Variants in MEF2C observed in about 807,000 individuals in gnomAD.
The protein encoded by MEF2C is myocyte-specific enhancer factor 2C.
Under a neutral mutation model 50.5 loss-of-function variants are expected in MEF2C, and 6 were observed. That is an observed-to-expected ratio of 0.12 (90% CI 0.07 to 0.23). MEF2C has a LOEUF of 0.23. Ranked by LOEUF, MEF2C falls within the 10% of genes least tolerant of loss-of-function variation. The pLI is 1.00. For missense variants in MEF2C, 276 were observed against 605.0 expected (o/e 0.46, Z 5.70); for synonymous variants, 183 against 228.0 (o/e 0.80, Z 1.78).
chr5:88,784,282 G>C (rs1231454863), intron 3 of MEF2C, among the ~76,000 whole-genome samples: 1 of 152,104 alleles, frequency 6.6e-6, no homozygotes, highest in East Asian at 1.9e-4. Flanking sequence ...ATCAATATCA[G>C]CTACATAATA....
intron 3 of MEF2C, among the ~76,000 whole-genome samples, chr5:88,786,710 T>C (rs1342408293): frequency 6.6e-6 from 1 of 152,226 alleles, no homozygotes; most frequent in Non-Finnish European, 1.5e-5. Context: ...TGTATATATA[T>C]ACATATATGC....
intron 3 of MEF2C, among the ~76,000 whole-genome samples, chr5:88,781,748 G>GA (rs1788165965): frequency 6.6e-6 from 1 of 152,144 alleles, no homozygotes; most frequent in South Asian, 2.1e-4. Context: ...GAGGCAAGCG[G>GA]ACCACTTGAG....
At chr5:88,725,710 T>G (rs34320) in intron 10 of MEF2C, among the ~76,000 whole-genome samples, 70,550 of 151,908 alleles carry the variant, frequency 0.46, 18,611 homozygotes, top group East Asian at 0.59. Context: ...CAAACATGAC[T>G]GGATAGTTTT....
intron 1 of MEF2C, among the ~76,000 whole-genome samples, chr5:88,890,594 G>T (rs1421191402): frequency 1.3e-5 from 2 of 152,126 alleles, no homozygotes; most frequent in African/African-American, 4.8e-5. Flanking sequence ...CATGTCAAAC[G>T]TTTCCATCAC....
intron 10 of MEF2C, among the ~76,000 whole-genome samples, chr5:88,726,923 TA>T (rs769939186): frequency 6.6e-5 from 10 of 152,124 alleles, no homozygotes; most frequent in Non-Finnish European, 1.2e-4. Flanking sequence ...GAGAAAATAA[TA>T]TGGCTTTTGA....
intron 1 of MEF2C, among the ~76,000 whole-genome samples, chr5:88,865,724 A>G (rs1158268979): frequency 6.6e-6 from 1 of 152,168 alleles, no homozygotes; most frequent in Non-Finnish European, 1.5e-5. Flanking sequence ...GTTTTGCTGG[A>G]AAGAGAAGAA....
intron 10 of MEF2C, among the ~76,000 whole-genome samples, chr5:88,724,007 A>C (rs966668730): frequency 6.6e-6 from 1 of 152,204 alleles, no homozygotes; most frequent in Non-Finnish European, 1.5e-5. Context: ...GCTCGCATCA[A>C]TTTTAAGATG....
chr5:88,872,766 T>C (rs1464197691), intron 1 of MEF2C, among the ~76,000 whole-genome samples: 1 of 152,004 alleles, frequency 6.6e-6, no homozygotes, highest in Non-Finnish European at 1.5e-5. Flanking sequence ...ACTGGGGCTT[T>C]CTGGTCATTA....
At chr5:88,746,387 C>T (rs1229229396) in intron 6 of MEF2C, 2 of 447,742 alleles carry the variant, frequency 4.5e-6, no homozygotes, top group South Asian at 9.4e-5. Context: ...TTTATAGGCA[C>T]AAAATAAATG....
chr5:88,841,135 C>T (rs1336548451), intron 1 of MEF2C, among the ~76,000 whole-genome samples: 1 of 152,174 alleles, frequency 6.6e-6, no homozygotes, highest in Non-Finnish European at 1.5e-5. Flanking sequence ...ATAGTTAACT[C>T]CTAGTCTTTA....
chr5:88,779,759 G>GC (rs1786841044), intron 3 of MEF2C, among the ~76,000 whole-genome samples: 1 of 51,608 alleles, frequency 1.9e-5, no homozygotes, highest in East Asian at 7.3e-4. Flanking sequence ...AGCAAAGTGA[G>GC]GTTTTTTTTT....
intron 2 of MEF2C, among the ~76,000 whole-genome samples, chr5:88,809,423 T>C (rs1159277853): frequency 2.0e-5 from 3 of 152,186 alleles, no homozygotes; most frequent in East Asian, 1.9e-4. Flanking sequence ...GAATATTCTC[T>C]ATGTCAGGCA....
intron 1 of MEF2C, among the ~76,000 whole-genome samples, chr5:88,837,775 C>T (rs989829354): frequency 6.6e-6 from 1 of 152,168 alleles, no homozygotes; most frequent in Non-Finnish European, 1.5e-5. Context: ...GATATGTTCA[C>T]CTCAGCCTCA....
In MEF2C at chr5:88,890,078, C is replaced by G. The variant is rs565715842; in HGVS notation, c.-239-2480G>C. ...ACAGACCAATAGGAAAGAACACGGG[C>G]CCCAAACTGGATTTTATAGTCTGAG... On this transcript the variant is annotated intron_variant, in intron 1 of 11. Transcript: ENST00000340208. Among the ~76,000 whole-genome samples, 557 of 152,256 alleles carry G rather than the reference C, an allele frequency of 3.7e-3. 4 individuals carry two copies. The highest frequency in any genetic ancestry group is 0.013 in the African/African-American group (546 of 41,540).
chr5:88,878,889 T>C (rs1581920231), intron 1 of MEF2C, among the ~76,000 whole-genome samples: 1 of 152,144 alleles, frequency 6.6e-6, no homozygotes, highest in South Asian at 2.1e-4. Flanking sequence ...TTTACCTATG[T>C]TTCTCACTTG....
chr5:88,782,775 G>A (rs974840359), intron 3 of MEF2C, among the ~76,000 whole-genome samples: 23 of 152,174 alleles, frequency 1.5e-4, no homozygotes, highest in Admixed American at 9.8e-4. Context: ...CTTTTCCAGC[G>A]GAACCTCTCT....
chr5:88,750,016 C>T lies in MEF2C; in HGVS notation c.590-899G>A, dbSNP rs186349455. 8.4e-4 allele frequency: 209 copies of T among 248,920 alleles called. 2 individuals are homozygous for T. In the East Asian group the frequency reaches 0.025, roughly 30 times the overall value. The allele number at this position is 248,920 out of a possible 1,614,324, so 15.4% of individuals were successfully genotyped here. On this transcript the variant is annotated intron_variant, in intron 5 of 10. Coordinates refer to ENST00000504921, the MANE Select transcript of MEF2C (RefSeq NM_002397.5). ...CTGCACTCCAGCCTGGGCAACACAG[C>T]GAGACTCCGTCTCAAAAAAAAAAAA...
chr5:88,860,257 G>C (rs1448536253), intron 1 of MEF2C, among the ~76,000 whole-genome samples: 1 of 151,786 alleles, frequency 6.6e-6, no homozygotes, highest in Non-Finnish European at 1.5e-5. Context: ...CTGTAAGGCT[G>C]GTAAGGGGGC....
intron 3 of MEF2C, among the ~76,000 whole-genome samples, chr5:88,771,134 G>A (rs1782217961): frequency 6.6e-6 from 1 of 152,198 alleles, no homozygotes; most frequent in Non-Finnish European, 1.5e-5. Context: ...GCATGGGAAT[G>A]ATCCATCCCC....
Sources: gnomAD v4.1 joint callset for allele counts (sites outside exome capture counted in the v4.1 genomes callset) on GRCh38, gnomAD v4.1.1 for gene constraint, MANE v1.5 for transcripts, NCBI Gene and HGNC (gene_info 2026-07-23, HGNC 2026-07-21) for gene names.